ANO3: variants seen among roughly 807,000 people sequenced by gnomAD.
ANO3 encodes anoctamin-3.
A neutral mutation model predicts 144.8 loss-of-function variants in ANO3; 99 were observed. That is an observed-to-expected ratio of 0.68 (90% CI 0.58 to 0.81). ANO3 has a LOEUF of 0.81. Ranked by LOEUF, ANO3 falls within the 30% of genes least tolerant of loss-of-function variation. The pLI is 0.00. For synonymous variants in ANO3, 414 were observed against 392.6 expected, an observed-to-expected ratio of 1.05 and a Z score of -0.64; for missense variants, 905 against 1,202.2, an observed-to-expected ratio of 0.75 and a Z score of 3.66.
intron 1 of ANO3, among the ~76,000 whole-genome samples, chr11:26,433,141 T>C (rs1858178909): frequency 1.3e-5 from 2 of 152,124 alleles, no homozygotes; most frequent in Non-Finnish European, 2.9e-5. Flanking sequence ...TTCCTAGGTA[T>C]TTTTTGTGTG....
chr11:26,531,886 A>T (rs1007264953), intron 8 of ANO3, among the ~76,000 whole-genome samples: 15 of 152,092 alleles, frequency 9.9e-5, no homozygotes, highest in African/African-American at 3.4e-4. Flanking sequence ...ACTAGTATTT[A>T]TTGTGTTTCT....
At chr11:26,635,853 A>C (rs1044812413) in intron 20 of ANO3, among the ~76,000 whole-genome samples, 1 of 152,220 alleles carries the variant, frequency 6.6e-6, no homozygotes, top group Admixed American at 6.5e-5. Flanking sequence ...ACCCAGATGC[A>C]TGATTTAATA....
At chr11:26,595,581 A>C (rs188187233) in intron 14 of ANO3, among the ~76,000 whole-genome samples, 115 of 149,992 alleles carry the variant, frequency 7.7e-4, no homozygotes, top group African/African-American at 2.7e-3. Context: ...CTGCTTCCAC[A>C]AGAGTCTCCC....
intron 4 of ANO3, among the ~76,000 whole-genome samples, chr11:26,504,684 T>C (rs139847824): frequency 7.2e-5 from 11 of 152,196 alleles, no homozygotes; most frequent in Non-Finnish European, 8.8e-5. Flanking sequence ...TCGAGAATCA[T>C]TGGGATAACT....
intron 18 of ANO3, among the ~76,000 whole-genome samples, chr11:26,629,677 G>T (rs1162677258): frequency 6.6e-6 from 1 of 151,962 alleles, no homozygotes; most frequent in Non-Finnish European, 1.5e-5. Context: ...TGTTGCCCAG[G>T]CTGGAAGGCA....
chr11:26,463,211 T>C (rs892635217), intron 4 of ANO3, 63 bp downstream of exon 4: 6 of 813,750 alleles, frequency 7.4e-6, no homozygotes, highest in Middle Eastern at 6.5e-4. Context: ...CCTTACAATA[T>C]TCATCTACAT....
At chr11:26,384,439 T>C (rs966072073) in intron 1 of ANO3, among the ~76,000 whole-genome samples, 2 of 152,090 alleles carry the variant, frequency 1.3e-5, no homozygotes, top group African/African-American at 4.8e-5. Context: ...AGCTCAAAAA[T>C]TGTAGGTACT....
chr11:26,398,443 G>A (rs77543178), intron 1 of ANO3, among the ~76,000 whole-genome samples: 10,615 of 152,052 alleles, frequency 0.07, 656 homozygotes, highest in African/African-American at 0.16. Flanking sequence ...AATGTTTTAT[G>A]ACTAAAAAAG....
intron 1 of ANO3, among the ~76,000 whole-genome samples, chr11:26,229,394 A>G (rs1044752669): frequency 2.0e-5 from 3 of 152,222 alleles, no homozygotes; most frequent in African/African-American, 7.2e-5. Context: ...CCAAACTTCA[A>G]GTCATATACT....
intron 1 of ANO3, among the ~76,000 whole-genome samples, chr11:26,300,074 C>T (rs772953170): frequency 3.3e-4 from 50 of 152,116 alleles, no homozygotes; most frequent in Non-Finnish European, 5.9e-4. Flanking sequence ...ACCATTAAGC[C>T]CTCATGTGGG....
At chr11:26,440,825 T>G (rs1163417042) in intron 1 of ANO3, among the ~76,000 whole-genome samples, 2 of 152,056 alleles carry the variant, frequency 1.3e-5, no homozygotes, top group Admixed American at 1.3e-4. Flanking sequence ...TGAGAGAGTC[T>G]GAGTGGGAGA....
intron 7 of ANO3, 68 bp from the exon 8 acceptor site, chr11:26,531,137 T>C (rs1849360302): frequency 6.4e-7 from 1 of 1,560,464 alleles, no homozygotes; most frequent in Admixed American, 1.8e-5. Context: ...TTAAGTGAAT[T>C]GTAGTGGAAG....
At chr11:26,500,826 T>G (rs1226283512) in intron 4 of ANO3, among the ~76,000 whole-genome samples, 3 of 151,722 alleles carry the variant, frequency 2.0e-5, no homozygotes, top group Non-Finnish European at 4.4e-5. Context: ...GTTTTGCTCT[T>G]TATAATAAGT....
intron 1 of ANO3, among the ~76,000 whole-genome samples, chr11:26,317,127 C>G (rs558756995): frequency 1.3e-5 from 2 of 152,204 alleles, no homozygotes; most frequent in South Asian, 4.2e-4. Flanking sequence ...GGGTAGCACA[C>G]TGTCGTAGCT....
chr11:26,635,200 A>G, intron 20 of ANO3, 130 bp downstream of exon 20: 3 of 734,114 alleles, frequency 4.1e-6, no homozygotes, highest in Non-Finnish European at 6.6e-6. Flanking sequence ...CATTGTTCAG[A>G]AAGGAAGCAA....
intron 5 of ANO3, among the ~76,000 whole-genome samples, chr11:26,510,844 C>G (rs1306246265): frequency 6.6e-6 from 1 of 152,152 alleles, no homozygotes; most frequent in Non-Finnish European, 1.5e-5. Flanking sequence ...AAGAATAATA[C>G]TGGATGTTAG....
chr11:26,300,927 C>CTTCATAATGTATTTCAT (rs1350398756), intron 1 of ANO3, among the ~76,000 whole-genome samples: 1 of 145,344 alleles, frequency 6.9e-6, no homozygotes, highest in Non-Finnish European at 1.5e-5. Context: ...AATTTCCACT[C>CTTCATAATGTATTTCAT]ACTGCCACCT....
In ANO3 at chr11:26,193,298, C is replaced by T. The variant is rs1446657027; in HGVS notation, c.154+3968C>T. 3.9e-5 allele frequency among the ~76,000 whole-genome samples: 6 copies of T among 152,042 alleles called. No homozygotes were observed. In the South Asian group the frequency reaches 6.2e-4, roughly 16 times the overall value. ...CTGGGATTGCAGGCATGCACCACCA[C>T]GCCCGGCTAATTTTTGTATTTTTAC... On this transcript the variant is annotated intron_variant, in intron 1 of 27. Transcript: ENST00000672621.
At chr11:26,405,491 C>T (rs1379983465) in intron 1 of ANO3, among the ~76,000 whole-genome samples, 1 of 151,786 alleles carries the variant, frequency 6.6e-6, no homozygotes, top group Non-Finnish European at 1.5e-5. Context: ...ATTGAGACAA[C>T]ATTGAATCTC....
Sources: allele counts gnomAD v4.1 joint callset (sites outside exome capture counted in the v4.1 genomes callset), GRCh38; gene constraint gnomAD v4.1.1; transcripts MANE v1.5; gene names NCBI Gene and HGNC (gene_info 2026-07-23, HGNC 2026-07-21).